CD28: variants seen among roughly 807,000 people sequenced by gnomAD.
CD28 encodes the protein T-cell-specific surface glycoprotein CD28.
In CD28, 8 loss-of-function variants were observed where a neutral mutation model predicts 21.4. The observed-to-expected ratio is 0.37, with a 90% confidence interval of 0.22 to 0.68. The LOEUF is 0.68. Ranked by LOEUF, CD28 falls within the 30% of genes least tolerant of loss-of-function variation. CD28 has a pLI of 0.55. For synonymous variants in CD28, 106 were observed against 104.0 expected (o/e 1.02, Z -0.12); for missense variants, 239 against 272.2 (o/e 0.88, Z 0.86).
At chr2:203,718,074 C>A (rs113570331) in intron 1 of CD28, among the ~76,000 whole-genome samples, 1 of 152,118 alleles carries the variant, frequency 6.6e-6, no homozygotes, top group East Asian at 1.9e-4. Context: ...ATCTTCATTG[C>A]AGCTCAGAGA....
chr2:203,713,541 AG>A (rs1428580457), intron 1 of CD28, among the ~76,000 whole-genome samples: 4 of 152,150 alleles, frequency 2.6e-5, no homozygotes, highest in Non-Finnish European at 4.4e-5. Flanking sequence ...ATTAAACATA[AG>A]AGGGAAAGGA....
chr2:203,728,569 G>A (rs1490434260), intron 2 of CD28, among the ~76,000 whole-genome samples: 1 of 152,146 alleles, frequency 6.6e-6, no homozygotes, highest in African/African-American at 2.4e-5. Flanking sequence ...TGTTAATGTG[G>A]CAGATAAGCT....
At chr2:203,732,768 C>T (rs543830022) in intron 3 of CD28, among the ~76,000 whole-genome samples, 4 of 152,256 alleles carry the variant, frequency 2.6e-5, no homozygotes, top group Non-Finnish European at 4.4e-5. Context: ...GTAGGTTCTG[C>T]GTGGTGTTTG....
rs1694117969 is a variant in CD28, at chr2:203,738,901, T to C, written c.*3989T>C. The C allele has an allele frequency of 6.6e-6, 1 of 152,220 alleles. No individual in the cohort carries two copies. The highest frequency in any genetic ancestry group is 2.4e-5 in the African/African-American group (1 of 41,454). 9.4% of individuals were successfully genotyped at this position (152,220 alleles called of 1,614,324 possible). Reference sequence around the variant, plus strand: ...TGCCTGGTATATAATAAATATTTATTGACTGAGTGAATGAGTTTTACATGG... The same window carrying C: ...TGCCTGGTATATAATAAATATTTATCGACTGAGTGAATGAGTTTTACATGG... On this transcript the variant is annotated 3_prime_UTR_variant, in exon 4 of 4. Transcript: ENST00000324106.
chr2:203,711,790 C>T (rs756470947), intron 1 of CD28, among the ~76,000 whole-genome samples: 1 of 152,204 alleles, frequency 6.6e-6, no homozygotes, highest in African/African-American at 2.4e-5. Context: ...ATACTTCAGC[C>T]TTTATTGTGG....
intron 2 of CD28, among the ~76,000 whole-genome samples, chr2:203,727,560 AG>A (rs1044511756): frequency 9.9e-5 from 15 of 151,392 alleles, no homozygotes; most frequent in Non-Finnish European, 2.9e-5. Context: ...GTTCACTGCA[AG>A]CTCTGCCTCC....
At position 203,706,740 on chromosome 2, in the gene CD28, A is replaced by G. The variant is rs199547990; in HGVS notation, c.44A>G (p.Gln15Arg). Reference sequence around the variant, plus strand: ...GCTCTCAACTTATTCCCTTCAATTCAAGTAACAGGTAAACAATGTTAATGT... The same window carrying G: ...GCTCTCAACTTATTCCCTTCAATTCGAGTAACAGGTAAACAATGTTAATGT... Reference protein sequence around the residue: ...LLALNLFPSIQVTGNKILVKQ... With the variant: ...LLALNLFPSIRVTGNKILVKQ... The change falls in exon 1 of 4, where the codon CAA (glutamine) becomes CGA (arginine). Residue 15 changes from glutamine (Q) to arginine (R), a missense_variant. By Grantham distance (43) the Gln-to-Arg change is conservative. Coordinates refer to ENST00000324106, the MANE Select transcript of CD28 (RefSeq NM_006139.4). The G allele has an allele frequency of 8.1e-6, 13 of 1,609,894 alleles. No homozygotes were observed. The highest frequency in any genetic ancestry group is 1.1e-5 in the Non-Finnish European group (13 of 1,176,156).
At chr2:203,711,667 C>A (rs998359199) in intron 1 of CD28, among the ~76,000 whole-genome samples, 1 of 152,122 alleles carries the variant, frequency 6.6e-6, no homozygotes, top group Admixed American at 6.5e-5. Context: ...TAATTGTGAG[C>A]CCCTTTCTGC....
chr2:203,729,319 C>A (rs1693829144), intron 2 of CD28, among the ~76,000 whole-genome samples: 1 of 152,238 alleles, frequency 6.6e-6, no homozygotes, highest in South Asian at 2.1e-4. Flanking sequence ...GATTAACTAT[C>A]TTCTGATGGG....
At chr2:203,708,186 C>G (rs992720627) in intron 1 of CD28, among the ~76,000 whole-genome samples, 3 of 152,088 alleles carry the variant, frequency 2.0e-5, no homozygotes, top group Admixed American at 1.3e-4. Flanking sequence ...TGCAGAGGTA[C>G]AGTAGTTGCA....
rs373620796 is a variant in CD28 at position 203,734,914 on chromosome 2, A to C, written c.*2A>C. On this transcript the variant is annotated 3_prime_UTR_variant, in exon 4 of 4. Transcript: ENST00000324106. Reference sequence around the variant, plus strand: ...GACTTCGCAGCCTATCGCTCCTGACACGGACGCCTATCCAGAAGCCAGCCG... The same window carrying C: ...GACTTCGCAGCCTATCGCTCCTGACCCGGACGCCTATCCAGAAGCCAGCCG... 8 of 1,613,698 alleles carry C rather than the reference A, an allele frequency of 5.0e-6. No homozygotes were observed. The highest frequency in any genetic ancestry group is 6.8e-6 in the Non-Finnish European group (8 of 1,179,834).
chr2:203,728,414 G>A (rs890530933), intron 2 of CD28, among the ~76,000 whole-genome samples: 4 of 152,284 alleles, frequency 2.6e-5, no homozygotes, highest in African/African-American at 9.6e-5. Flanking sequence ...ATATATCATA[G>A]CTTTTCATTT....
At chr2:203,724,818 A>T (rs1693697147) in intron 1 of CD28, among the ~76,000 whole-genome samples, 1 of 152,246 alleles carries the variant, frequency 6.6e-6, no homozygotes, top group African/African-American at 2.4e-5. Flanking sequence ...TTTCATTTAA[A>T]AATGAATCTG....
chr2:203,714,383 G>A (rs967584708), intron 1 of CD28, among the ~76,000 whole-genome samples: 2 of 152,066 alleles, frequency 1.3e-5, no homozygotes, highest in Admixed American at 6.6e-5. Context: ...CATTATGGGC[G>A]GGACTCTAGT....
intron 3 of CD28, among the ~76,000 whole-genome samples, chr2:203,732,588 C>T (rs1049852192): frequency 6.6e-6 from 1 of 152,110 alleles, no homozygotes; most frequent in Non-Finnish European, 1.5e-5. Flanking sequence ...CTGCTGTTCC[C>T]AGGAAACAAG....
At chr2:203,726,085 C>T (rs1693739408) in intron 1 of CD28, among the ~76,000 whole-genome samples, 1 of 151,972 alleles carries the variant, frequency 6.6e-6, no homozygotes, top group Non-Finnish European at 1.5e-5. Context: ...GTGGTGCATA[C>T]CTGTAATCCC....
rs1055287461 is a variant in CD28, at chr2:203,736,591, G to A, written c.*1679G>A. On this transcript the variant is annotated 3_prime_UTR_variant, in exon 4 of 4. Coordinates refer to ENST00000324106, the MANE Select transcript of CD28 (RefSeq NM_006139.4). The stretch of plus-strand genomic sequence containing the variant: ...GGATATTTTTCTACCTACAGTTTGA[G>A]TCAACTAGAATATGCCTGGGGACCT... 1 of 152,252 alleles carries A rather than the reference G, an allele frequency of 6.6e-6. No individual in the cohort carries two copies. The highest frequency in any genetic ancestry group is 1.5e-5 in the Non-Finnish European group (1 of 68,060). 9.4% of individuals were successfully genotyped at this position (152,252 alleles called of 1,614,324 possible).
chr2:203,707,311 CT>C (rs1693184399), intron 1 of CD28, among the ~76,000 whole-genome samples: 1 of 151,986 alleles, frequency 6.6e-6, no homozygotes, highest in Non-Finnish European at 1.5e-5. Flanking sequence ...ATTATTTAAA[CT>C]CTCCAAACCT....
intron 2 of CD28, among the ~76,000 whole-genome samples, chr2:203,727,430 T>TTTCCTTCCTTCCTTCCTTCC (rs762878963): frequency 0.03 from 2,916 of 98,738 alleles, 51 homozygotes; most frequent in Middle Eastern, 0.084. Context: ...CCATTTTCTT[T>TTTCCTTCCTTCCTTCCTTCC]TTCCTTCCTT....
Sources: gnomAD v4.1 joint callset for allele counts (sites outside exome capture counted in the v4.1 genomes callset) on GRCh38, gnomAD v4.1.1 for gene constraint, MANE v1.5 for transcripts, NCBI Gene and HGNC (gene_info 2026-07-23, HGNC 2026-07-21) for gene names.